The following ACAD11 variants were observed in gnomAD, a reference collection of about 807,000 sequenced individuals.
The protein encoded by ACAD11 is acyl-CoA dehydrogenase family member 11.
ACAD11 carries 83 observed loss-of-function variants against 102.2 expected under a neutral mutation model. The observed-to-expected ratio is 0.81, with a 90% confidence interval of 0.68 to 0.97. The LOEUF (loss-of-function observed/expected upper bound fraction) is 0.97, where lower values mean the gene tolerates loss of function less well. Among genes scored for constraint, ACAD11 ranks in the 50% least tolerant of loss-of-function variants. ACAD11 has a pLI of 0.00. For missense variants in ACAD11, 901 were observed against 951.7 expected, an observed-to-expected ratio of 0.95 and a Z score of 0.70; for synonymous variants, 324 against 319.8, an observed-to-expected ratio of 1.01 and a Z score of -0.14.
chr3:132,579,670 G>A lies in ACAD11; in HGVS notation c.1622-112C>T, dbSNP rs1208545661. ...ACCTATGTCAGAAAACAAATAGAGA[G>A]AACATTCCTGATTCATTAAGATAAT... On this transcript the variant is annotated intron_variant, in intron 13 of 19. Transcript: ENST00000264990. The A allele has an allele frequency of 4.0e-6, 3 of 743,990 alleles. No homozygotes were observed. In the African/African-American group the frequency reaches 5.3e-5, roughly 13 times the overall value. The allele number at this position is 743,990 out of a possible 1,614,324, so 46.1% of individuals were successfully genotyped here. A position where few individuals can be genotyped will look rare whatever the true frequency, so the allele number is the denominator to read the frequency against.
In ACAD11 at chr3:132,559,823, A is replaced by G; in HGVS notation, c.2228+10T>C. The G allele has an allele frequency of 6.2e-7, 1 of 1,606,992 alleles. No homozygotes were observed. Among genetic ancestry groups the G allele is most frequent in the Non-Finnish European group, 8.5e-7 (1 of 1,174,518 alleles). ...CAAACGTAGATGATTCTTAAATGAC[A>G]TCTACTCACATGTTAGCCAGAGGGT... is the stretch of plus-strand genomic sequence containing the variant. On this transcript the variant is annotated intron_variant, in intron 19 of 19. Coordinates refer to ENST00000264990, the MANE Select transcript of ACAD11 (RefSeq NM_032169.5).
chr3:132,614,018 A>C (rs971376455), intron 11 of ACAD11, among the ~76,000 whole-genome samples: 2 of 152,096 alleles, frequency 1.3e-5, no homozygotes, highest in Non-Finnish European at 2.9e-5. Flanking sequence ...AAGCATTCCT[A>C]TACACCAATA....
At chr3:132,614,594 A>C (rs2107841752) in intron 11 of ACAD11, among the ~76,000 whole-genome samples, 1 of 152,320 alleles carries the variant, frequency 6.6e-6, no homozygotes, top group South Asian at 2.1e-4. Flanking sequence ...CTATTTAATA[A>C]ATGGTGTTGG....
intron 17 of ACAD11, among the ~76,000 whole-genome samples, chr3:132,563,868 A>G (rs1020562990): frequency 4.6e-5 from 7 of 152,104 alleles, no homozygotes; most frequent in African/African-American, 1.7e-4. Context: ...GTTTTGGGGG[A>G]AAAGCATTTA....
At chr3:132,641,187 G>A (rs1413362817) in intron 4 of ACAD11, among the ~76,000 whole-genome samples, 1 of 152,066 alleles carries the variant, frequency 6.6e-6, no homozygotes, top group Non-Finnish European at 1.5e-5. Flanking sequence ...ATTTAACACA[G>A]TACTCAGCAG....
intron 6 of ACAD11, 141 bp downstream of exon 6, chr3:132,631,194 TAAAATA>T (rs992612514): frequency 2.4e-5 from 11 of 457,892 alleles, no homozygotes; most frequent in African/African-American, 1.0e-4. Context: ...AACAAAAAAA[TAAAATA>T]AAAATAAAAA....
chr3:132,644,894 G>T lies in ACAD11; in HGVS notation c.152C>A (p.Ala51Glu). The change falls in exon 2 of 20, where the codon GCA becomes GAA. Residue 51 changes from alanine to glutamate, a missense_variant and splice_region_variant. Ala to Glu is a moderately radical substitution (Grantham distance 107). Transcript: ENST00000264990. ...EATLTIAQYRAGKSNPTFYLQ... is the reference protein window; with the variant it reads ...EATLTIAQYREGKSNPTFYLQ... ...ATAAAAGGTTGGATTGGACTTTCCTGCTCTAGATAAAAGTAAAAAAAAAAA... is the reference window on the plus strand; with the variant it reads ...ATAAAAGGTTGGATTGGACTTTCCTTCTCTAGATAAAAGTAAAAAAAAAAA... 1 of 1,588,324 alleles carries T rather than the reference G, an allele frequency of 6.3e-7. No individual in the cohort carries two copies. The highest frequency in any genetic ancestry group is 8.6e-7 in the Non-Finnish European group (1 of 1,166,326).
intron 4 of ACAD11, 105 bp downstream of exon 4, chr3:132,641,867 G>A: frequency 2.9e-6 from 3 of 1,052,582 alleles, no homozygotes; most frequent in Non-Finnish European, 4.0e-6. Context: ...TAAAAGTCAT[G>A]GCCAAGCTTC....
At chr3:132,638,213 AT>A (rs925625588) in intron 5 of ACAD11, among the ~76,000 whole-genome samples, 2 of 150,394 alleles carry the variant, frequency 1.3e-5, no homozygotes, top group South Asian at 2.1e-4. Context: ...GCAACTCAGA[AT>A]TTTTTTTTTC....
In ACAD11 at chr3:132,630,508, T is replaced by G; in HGVS notation, c.892A>C (p.Ile298Leu). 6.2e-7 allele frequency: 1 copy of G among 1,613,022 alleles called. No individual in the cohort carries two copies. The highest frequency in any genetic ancestry group is 1.1e-5 in the South Asian group (1 of 90,920). The change falls in exon 7 of 20, where the codon ATT (isoleucine) becomes CTT (leucine). Residue 298 changes from isoleucine to leucine, a missense_variant. Coordinates refer to ENST00000264990, the MANE Select transcript of ACAD11 (RefSeq NM_032169.5). ...LISIYCRCRGINSILPNWNFF... is the reference protein window; with the variant it reads ...LISIYCRCRGLNSILPNWNFF... Reference sequence around the variant, plus strand: ...TTCCAGTTAGGAAGAATAGAATTAATTCCCCTGCAGCGGCAATATATTGAA... The same window carrying G: ...TTCCAGTTAGGAAGAATAGAATTAAGTCCCCTGCAGCGGCAATATATTGAA...
At chr3:132,641,686 G>A (rs1209289194) in intron 4 of ACAD11, among the ~76,000 whole-genome samples, 24 of 123,614 alleles carry the variant, frequency 1.9e-4, no homozygotes, top group South Asian at 5.7e-4. Flanking sequence ...AAGAGGAAGA[G>A]GAAGAGGAAG....
chr3:132,605,926 A>G lies in ACAD11; in HGVS notation c.1415-721T>C, dbSNP rs1411466287. ...CCTGCCCTGGAAAGAAAATGGCAGT[A>G]GATAACTTCAAAGACCCTCTCTGAC... On this transcript the variant is annotated intron_variant, in intron 11 of 19. Coordinates refer to ENST00000264990, the MANE Select transcript of ACAD11 (RefSeq NM_032169.5). 2.0e-5 allele frequency among the ~76,000 whole-genome samples: 3 copies of G among 152,242 alleles called. 1 individual carries two copies. The highest frequency in any genetic ancestry group is 4.8e-5 in the African/African-American group (2 of 41,464).
intron 11 of ACAD11, among the ~76,000 whole-genome samples, chr3:132,605,549 G>T (rs1938803570): frequency 6.6e-6 from 1 of 152,172 alleles, no homozygotes; most frequent in African/African-American, 2.4e-5. Flanking sequence ...TGCCCTGCTA[G>T]AAGTGATTGC....
Position 132,626,832 on chromosome 3 carries a change from A to G in ACAD11, c.1071-15T>C, listed in dbSNP as rs1455815681. On this transcript the variant is annotated splice_polypyrimidine_tract_variant and intron_variant, in intron 8 of 19. Coordinates refer to ENST00000264990, the MANE Select transcript of ACAD11 (RefSeq NM_032169.5). ...TACTGAAAGTTCTTTGCCAAAAGAA[A>G]AAAGGAAAAAAAGGTTACAAAGATG... 1 of 1,596,560 alleles carries G rather than the reference A, an allele frequency of 6.3e-7. No homozygotes were observed. Among genetic ancestry groups the G allele is most frequent in the East Asian group, 2.2e-5 (1 of 44,654 alleles).
intron 5 of ACAD11, among the ~76,000 whole-genome samples, chr3:132,635,311 G>C (rs777733722): frequency 6.6e-6 from 1 of 151,984 alleles, no homozygotes; most frequent in Non-Finnish European, 1.5e-5. Flanking sequence ...AATATACTAT[G>C]GGGGGTGGGC....
chr3:132,634,549 T>C (rs1281285914), intron 5 of ACAD11, among the ~76,000 whole-genome samples: 1 of 152,008 alleles, frequency 6.6e-6, no homozygotes, highest in Admixed American at 6.6e-5. Flanking sequence ...AGCCATCCCA[T>C]TACTGGGTAT....
In ACAD11 at chr3:132,632,912, G is replaced by A. The variant is rs573726503; in HGVS notation, c.703-1433C>T. ...GTATATATGAATGCTTGTGATTTTT[G>A]CACATTGATTTTGTATCCTGAGACT... is the stretch of plus-strand genomic sequence containing the variant. On this transcript the variant is annotated intron_variant, in intron 5 of 19. Coordinates refer to ENST00000264990, the MANE Select transcript of ACAD11 (RefSeq NM_032169.5). Among the ~76,000 whole-genome samples, 5 of 152,266 alleles carry A rather than the reference G, an allele frequency of 3.3e-5. No individual in the cohort carries two copies. The East Asian group carries it at 9.6e-4, about 29-fold the overall frequency.
intron 17 of ACAD11, among the ~76,000 whole-genome samples, chr3:132,571,462 C>T (rs763431915): frequency 1.3e-5 from 2 of 151,112 alleles, no homozygotes; most frequent in African/African-American, 2.4e-5. Context: ...CCTATTTACT[C>T]TGTTGATAGT....
chr3:132,652,879 T>C lies in ACAD11; in HGVS notation c.149+6724A>G, dbSNP rs114883877. On this transcript the variant is annotated intron_variant, in intron 1 of 19. Transcript: ENST00000264990. ...CGTGTCAAAGTTCAAAACATGTCTC[T>C]GAAGCAAGGATAATGAAAATTTCAT... Among the ~76,000 whole-genome samples the C allele has an allele frequency of 9.5e-3, 1,444 of 152,236 alleles. 24 individuals carry two copies. Among genetic ancestry groups the C allele is most frequent in the African/African-American group, 0.033 (1,362 of 41,520 alleles).
Sources: gnomAD v4.1 joint callset for allele counts (sites outside exome capture counted in the v4.1 genomes callset) on GRCh38, gnomAD v4.1.1 for gene constraint, MANE v1.5 for transcripts, NCBI Gene and HGNC (gene_info 2026-07-23, HGNC 2026-07-21) for gene names.